NLRP11: variants seen among roughly 807,000 people sequenced by gnomAD.
The protein encoded by NLRP11 is NACHT, LRR and PYD domains-containing protein 11.
Under a neutral mutation model 79.3 loss-of-function variants are expected in NLRP11, and 53 were observed. The ratio of observed to expected loss-of-function variants is 0.67; its 90% CI spans 0.54 to 0.84. NLRP11 has a LOEUF of 0.84. NLRP11 is among the 40% of genes least tolerant of loss of function. NLRP11 has a pLI of 0.00. For synonymous variants in NLRP11, 518 were observed against 462.6 expected, an observed-to-expected ratio of 1.12 and a Z score of -1.54; for missense variants, 1,264 against 1,255.0, an observed-to-expected ratio of 1.01 and a Z score of -0.11.
intron 1 of NLRP11, among the ~76,000 whole-genome samples, chr19:55,823,806 T>C (rs1982048885): frequency 6.8e-6 from 1 of 147,776 alleles, no homozygotes; most frequent in Non-Finnish European, 1.5e-5. Context: ...CTGAAAGTGA[T>C]GGGGAGAATG....
rs16986667 is a variant in NLRP11 at position 55,828,685 on chromosome 19, C to G, written c.-63+3278G>C. ...GAAGGAAAATGCAAGCTTTCCATCA[C>G]TATACAAACAAAATTCAGTAAATAA... On this transcript the variant is annotated intron_variant, in intron 1 of 9. Coordinates refer to ENST00000589093, the Ensembl canonical transcript of NLRP11. Among the ~76,000 whole-genome samples, 55 of 152,210 alleles carry G rather than the reference C, an allele frequency of 3.6e-4. 2 individuals carry two copies. In the South Asian group the frequency reaches 0.011, roughly 30 times the overall value.
chr19:55,796,985 G>A (rs535531234), intron 5 of NLRP11, among the ~76,000 whole-genome samples: 24 of 151,982 alleles, frequency 1.6e-4, no homozygotes, highest in Non-Finnish European at 2.6e-4. Context: ...CACTGTGTCC[G>A]GTCTAACTTT....
chr19:55,815,358 A>G (rs1177469900), intron 2 of NLRP11, among the ~76,000 whole-genome samples: 1 of 151,806 alleles, frequency 6.6e-6, no homozygotes, highest in Admixed American at 6.6e-5. Context: ...GTGAAACCCC[A>G]TCTCTACTAA....
intron 2 of NLRP11, 22 bp from the exon 3 acceptor site, chr19:55,810,360 AG>A: frequency 6.4e-7 from 1 of 1,567,336 alleles, no homozygotes; most frequent in Non-Finnish European, 8.6e-7. Flanking sequence ...AGTACAGGGC[AG>A]AAAATACAGA....
At chr19:55,810,193 G>A in exon 3 of NLRP11, 1 of 1,613,938 alleles carries the variant, frequency 6.2e-7, no homozygotes, top group Non-Finnish European at 8.5e-7. Context: ...AATAATAGCT[G>A]GTAGAATCAT....
intron 1 of NLRP11, among the ~76,000 whole-genome samples, chr19:55,831,225 T>C (rs1982756773): frequency 1.3e-5 from 2 of 149,730 alleles, no homozygotes; most frequent in Non-Finnish European, 3.0e-5. Context: ...TCCTATCTCC[T>C]TCCTTTCGGA....
chr19:55,823,187 C>T (rs1025429427), intron 1 of NLRP11, among the ~76,000 whole-genome samples: 5 of 145,242 alleles, frequency 3.4e-5, no homozygotes, highest in Admixed American at 1.4e-4. Context: ...TTCCAACAGA[C>T]CTGCAGCTGA....
chr19:55,788,996 G>A lies in NLRP11; in HGVS notation c.2685-19C>T. On this transcript the variant is annotated intron_variant, in intron 8 of 9. Coordinates refer to ENST00000589093, the Ensembl canonical transcript of NLRP11. ...TTCTAGCCTGCAACGAAGATGCACA[G>A]GTAAGGTGGGGCCAAATCCTTGAGG... 1 of 1,613,236 alleles carries A rather than the reference G, an allele frequency of 6.2e-7. No homozygotes were observed. The highest frequency in any genetic ancestry group is 8.5e-7 in the Non-Finnish European group (1 of 1,179,388).
Position 55,818,248 on chromosome 19 carries a change from T to C in NLRP11, c.-62-12A>G. 1.6e-6 allele frequency: 2 copies of C among 1,219,714 alleles called. No individual in the cohort carries two copies. Among genetic ancestry groups the C allele is most frequent in the Admixed American group, 4.2e-5 (2 of 48,188 alleles). The allele number at this position is 1,219,714 out of a possible 1,614,324, so 75.6% of individuals were successfully genotyped here. ...AAGAAATATGAGATCTAAAAATAGA[T>C]GTGGAATCAGACAATCAAACCACAC... On this transcript the variant is annotated splice_polypyrimidine_tract_variant and intron_variant, in intron 1 of 9. Coordinates refer to ENST00000589093, the Ensembl canonical transcript of NLRP11.
intron 2 of NLRP11, among the ~76,000 whole-genome samples, chr19:55,814,021 T>A (rs1980852926): frequency 6.6e-6 from 1 of 152,120 alleles, no homozygotes; most frequent in South Asian, 2.1e-4. Flanking sequence ...TGTTAGGGAC[T>A]GGGCCCCACA....
At chr19:55,800,721 G>A (rs767393969) in intron 5 of NLRP11, among the ~76,000 whole-genome samples, 4 of 152,268 alleles carry the variant, frequency 2.6e-5, no homozygotes, top group Admixed American at 6.5e-5. Flanking sequence ...AAATCAATAC[G>A]GAGGTCAAAC....
At chr19:55,823,413 G>C (rs1982012303) in intron 1 of NLRP11, among the ~76,000 whole-genome samples, 1 of 139,156 alleles carries the variant, frequency 7.2e-6, no homozygotes, top group South Asian at 2.2e-4. Flanking sequence ...GCTGGATGGA[G>C]AATGACTTTG....
intron 4 of NLRP11, among the ~76,000 whole-genome samples, chr19:55,802,248 G>A (rs1175070185): frequency 1.3e-5 from 2 of 152,146 alleles, no homozygotes; most frequent in Non-Finnish European, 2.9e-5. Flanking sequence ...CAGATGACAT[G>A]ATTCCATATC....
At chr19:55,810,418 A>T in intron 2 of NLRP11, 80 bp from the exon 3 acceptor site, 2 of 1,286,272 alleles carry the variant, frequency 1.6e-6, no homozygotes, top group Non-Finnish European at 2.2e-6. Context: ...GCTTCTTTTC[A>T]TGTTTACAGT....
At chr19:55,795,630 C>T (rs971268753) in intron 6 of NLRP11, among the ~76,000 whole-genome samples, 26 of 152,250 alleles carry the variant, frequency 1.7e-4, no homozygotes, top group African/African-American at 5.1e-4. Context: ...GCTGGGACTA[C>T]AGGTACCCGC....
At chr19:55,819,305 C>T (rs918440191) in intron 1 of NLRP11, among the ~76,000 whole-genome samples, 21 of 152,110 alleles carry the variant, frequency 1.4e-4, no homozygotes, top group African/African-American at 4.8e-4. Context: ...GAGACATGCC[C>T]CACACACAAA....
chr19:55,793,241 C>T (rs10424927), intron 6 of NLRP11, among the ~76,000 whole-genome samples: 69,341 of 151,698 alleles, frequency 0.46, 16,768 homozygotes, highest in African/African-American at 0.61. Flanking sequence ...TGGCAGTGAG[C>T]TGCACTTTTT....
At chr19:55,820,392 G>A (rs1293217365) in intron 1 of NLRP11, among the ~76,000 whole-genome samples, 2 of 152,144 alleles carry the variant, frequency 1.3e-5, no homozygotes, top group Non-Finnish European at 2.9e-5. Context: ...ACATTGAGGT[G>A]GGAGGACAGA....
rs141728967 is a variant in NLRP11, at chr19:55,796,605, T to C, written c.2172-355A>G. On this transcript the variant is annotated intron_variant, in intron 5 of 9. Transcript: ENST00000589093. ...TATAAATCTGATCAAGACCCTCAAC[T>C]TACCATCACATTTACAAGGACTTCT... is the stretch of plus-strand genomic sequence containing the variant. 1.6e-3 allele frequency among the ~76,000 whole-genome samples: 250 copies of C among 152,248 alleles called. 2 individuals are homozygous for C. Among genetic ancestry groups the C allele is most frequent in the African/African-American group, 5.9e-3 (245 of 41,540 alleles).
Sources: allele counts gnomAD v4.1 joint callset (sites outside exome capture counted in the v4.1 genomes callset), GRCh38; gene constraint gnomAD v4.1.1; transcripts MANE v1.5; gene names NCBI Gene and HGNC (gene_info 2026-07-23, HGNC 2026-07-21).